The following MAP3K8 variants were observed in gnomAD, a reference collection of about 807,000 sequenced individuals.
MAP3K8 encodes the protein mitogen-activated protein kinase kinase kinase 8.
Under a neutral mutation model 45.8 loss-of-function variants are expected in MAP3K8, and 22 were observed. The ratio of observed to expected loss-of-function variants is 0.48; its 90% CI spans 0.34 to 0.69. The LOEUF (loss-of-function observed/expected upper bound fraction) is 0.69, where lower values mean the gene tolerates loss of function less well. Ranked by LOEUF, MAP3K8 falls within the 30% of genes least tolerant of loss-of-function variation. MAP3K8 has a pLI of 0.01. For missense variants in MAP3K8, 419 were observed against 585.0 expected (o/e 0.72, Z 2.93); for synonymous variants, 223 against 214.3 (o/e 1.04, Z -0.36).
intron 1 of MAP3K8, among the ~76,000 whole-genome samples, chr10:30,435,263 G>A (rs1277316779): frequency 6.6e-6 from 1 of 152,200 alleles, no homozygotes; most frequent in Non-Finnish European, 1.5e-5. Flanking sequence ...TGTGGCCTGA[G>A]TCGTTTGTGC....
At chr10:30,441,154 A>C (rs902006956) in intron 3 of MAP3K8, among the ~76,000 whole-genome samples, 1 of 150,078 alleles carries the variant, frequency 6.7e-6, no homozygotes, top group Non-Finnish European at 1.5e-5. Context: ...ATAATTAAGG[A>C]GAATTCTTTT....
At chr10:30,438,792 G>T (rs751290760) in intron 2 of MAP3K8, 124 bp from the exon 3 acceptor site, 8 of 609,486 alleles carry the variant, frequency 1.3e-5, no homozygotes, top group Non-Finnish European at 2.0e-5. Context: ...AGTTGACACA[G>T]AACCCTCGTT....
rs779058455 is a variant in MAP3K8, at chr10:30,439,076, A to G, written c.138A>G (p.Leu46=). The G allele has an allele frequency of 1.9e-6, 3 of 1,614,236 alleles. No individual in the cohort carries two copies. Among genetic ancestry groups the G allele is most frequent in the South Asian group, 1.1e-5 (1 of 91,088 alleles). Residue 46 remains leucine, a synonymous_variant, in exon 3 of 9, where the codon CTA becomes CTG. Transcript: ENST00000263056. The part of the protein sequence containing the change: ...SEEPAVYEPS[L]MTMCQDSNQN... ...AGCCAGCAGTTTATGAACCCAGTCTAATGACCATGTGTCAAGACAGTAATC... is the reference window on the plus strand; with the variant it reads ...AGCCAGCAGTTTATGAACCCAGTCTGATGACCATGTGTCAAGACAGTAATC...
At chr10:30,455,000 G>C (rs1836688600) in intron 6 of MAP3K8, among the ~76,000 whole-genome samples, 1 of 152,116 alleles carries the variant, frequency 6.6e-6, no homozygotes, top group South Asian at 2.1e-4. Flanking sequence ...TGGTGAAGTT[G>C]AACATTTTGC....
Position 30,437,356 on chromosome 10 carries a change from T to A in MAP3K8, c.-74T>A. The A allele has an allele frequency of 1.0e-6, 1 of 968,752 alleles. No homozygotes were observed. Among genetic ancestry groups the A allele is most frequent in the Non-Finnish European group, 1.2e-6 (1 of 814,598 alleles). The allele number at this position is 968,752 out of a possible 1,614,324, so 60.0% of individuals were successfully genotyped here. On this transcript the variant is annotated 5_prime_UTR_variant, in exon 2 of 9. The change abolishes the stop of an existing upstream ORF in the 5' untranslated region. Transcript: ENST00000263056. The stretch of plus-strand genomic sequence containing the variant: ...ATTTACCATGCCCCTGACACTGCAC[T>A]GAGCACTTTATGAGCTTGAACTCTG...
chr10:30,442,748 T>A (rs1223547735), intron 3 of MAP3K8, among the ~76,000 whole-genome samples: 3 of 152,212 alleles, frequency 2.0e-5, no homozygotes, highest in Non-Finnish European at 4.4e-5. Flanking sequence ...TTATGGGGAC[T>A]GAAGGACCCC....
At chr10:30,453,990 GGAAAGAAA>G (rs374994628) in intron 6 of MAP3K8, among the ~76,000 whole-genome samples, 3 of 150,670 alleles carry the variant, frequency 2.0e-5, no homozygotes, top group Non-Finnish European at 4.4e-5. Context: ...AGAAAAAGAA[GGAAAGAAA>G]GAAAGAAAGC....
At chr10:30,445,261 G>A (rs1023405961) in intron 3 of MAP3K8, among the ~76,000 whole-genome samples, 2 of 152,096 alleles carry the variant, frequency 1.3e-5, no homozygotes, top group Admixed American at 6.6e-5. Context: ...GCTGGGTGTG[G>A]TAGCACGTGC....
chr10:30,450,419 T>C lies in MAP3K8; in HGVS notation c.666T>C (p.Cys222=). 1 of 1,614,162 alleles carries C rather than the reference T, an allele frequency of 6.2e-7. No individual in the cohort carries two copies. The highest frequency in any genetic ancestry group is 8.5e-7 in the Non-Finnish European group (1 of 1,180,012). ...GGSVLEKLES[C]GPMREFEIIW... is the part of the protein sequence containing the mutation. ...CTGTTCTGGAGAAACTGGAGAGCTG[T>C]GGACCAATGAGAGAATTTGAAATTA... is the stretch of plus-strand genomic sequence containing the variant. Residue 222 remains cysteine (C), a synonymous_variant, in exon 5 of 9, where the codon TGT becomes TGC. Coordinates refer to ENST00000263056, the MANE Select transcript of MAP3K8 (RefSeq NM_005204.4).
At chr10:30,454,750 C>T (rs2489846) in intron 6 of MAP3K8, among the ~76,000 whole-genome samples, 2,181 of 149,658 alleles carry the variant, frequency 0.015, 42 homozygotes, top group African/African-American at 0.036. Flanking sequence ...GGAAGCTGTA[C>T]TTTTTTTTTT....
chr10:30,435,265 C>T (rs1835875136), intron 1 of MAP3K8, among the ~76,000 whole-genome samples: 1 of 152,168 alleles, frequency 6.6e-6, no homozygotes, highest in Non-Finnish European at 1.5e-5. Context: ...TGGCCTGAGT[C>T]GTTTGTGCCA....
At chr10:30,439,826 A>C (rs1836040328) in intron 3 of MAP3K8, among the ~76,000 whole-genome samples, 1 of 152,220 alleles carries the variant, frequency 6.6e-6, no homozygotes, top group African/African-American at 2.4e-5. Flanking sequence ...ACAAAGAAGA[A>C]TGTATTTTAA....
intron 1 of MAP3K8, 196 bp downstream of exon 1, chr10:30,434,574 A>T (rs938072721): frequency 1.0e-6 from 1 of 985,634 alleles, no homozygotes; most frequent in Non-Finnish European, 1.2e-6. Context: ...CACCTTGCGC[A>T]AGGGTCTCAC....
At chr10:30,435,948 A>G (rs185868938) in intron 1 of MAP3K8, among the ~76,000 whole-genome samples, 3 of 152,376 alleles carry the variant, frequency 2.0e-5, no homozygotes, top group Non-Finnish European at 4.4e-5. Flanking sequence ...TTGCCAGGAA[A>G]CACTCACATT....
chr10:30,458,000 G>A, intron 6 of MAP3K8, 84 bp from the exon 7 acceptor site: 3 of 1,224,824 alleles, frequency 2.4e-6, no homozygotes, highest in Non-Finnish European at 3.3e-6. Flanking sequence ...AGGCAAATGA[G>A]CCAATTTCCA....
chr10:30,452,583 T>C (rs1404690849), intron 6 of MAP3K8, among the ~76,000 whole-genome samples: 2 of 150,766 alleles, frequency 1.3e-5, no homozygotes, highest in African/African-American at 4.9e-5. Flanking sequence ...CAGTGAGCCA[T>C]GGGCATTCCA....
intron 6 of MAP3K8, 80 bp from the exon 7 acceptor site, chr10:30,458,004 A>C: frequency 7.8e-7 from 1 of 1,279,652 alleles, no homozygotes; most frequent in Non-Finnish European, 1.0e-6. Flanking sequence ...AAATGAGCCA[A>C]TTTCCAGAAC....
At chr10:30,435,534 A>G (rs1041343003) in intron 1 of MAP3K8, among the ~76,000 whole-genome samples, 1 of 151,526 alleles carries the variant, frequency 6.6e-6, no homozygotes, top group African/African-American at 2.4e-5. Flanking sequence ...TGGCACACAT[A>G]TGTATATATG....
intron 3 of MAP3K8, among the ~76,000 whole-genome samples, chr10:30,447,160 G>A (rs751790347): frequency 3.9e-5 from 6 of 152,174 alleles, no homozygotes; most frequent in Admixed American, 2.6e-4. Context: ...GGCTGCCTCC[G>A]CAGCACCAAA....
Sources: allele counts gnomAD v4.1 joint callset (sites outside exome capture counted in the v4.1 genomes callset), GRCh38; gene constraint gnomAD v4.1.1; transcripts MANE v1.5; gene names NCBI Gene and HGNC (gene_info 2026-07-23, HGNC 2026-07-21).